The following PCDHGB2 variants were observed in gnomAD, a reference collection of about 807,000 sequenced individuals.
PCDHGB2 encodes the protein protocadherin gamma subfamily B, 2, also known as protocadherin gamma-B2.
A neutral mutation model predicts 59.3 loss-of-function variants in PCDHGB2; 55 were observed. The ratio of observed to expected loss-of-function variants is 0.93; its 90% CI spans 0.75 to 1.16. PCDHGB2 has a LOEUF of 1.16. PCDHGB2 is among the 50% of genes most tolerant of loss of function. PCDHGB2 has a pLI of 0.00. For synonymous variants in PCDHGB2, 516 were observed against 512.0 expected (o/e 1.01, Z -0.11); for missense variants, 1,228 against 1,198.5 (o/e 1.02, Z -0.36).
At chr5:141,370,978 T>C (rs2149975927) in intron 1 of PCDHGB2, 1 of 1,613,976 alleles carries the variant, frequency 6.2e-7, no homozygotes, top group Non-Finnish European at 8.5e-7. Flanking sequence ...CCAGAGCTAG[T>C]ACTGAAAGCA....
intron 1 of PCDHGB2, chr5:141,374,799 C>T (rs1177554784): frequency 3.1e-6 from 5 of 1,613,978 alleles, no homozygotes; most frequent in African/African-American, 2.7e-5. Flanking sequence ...AATGACAACA[C>T]TCCAATGTTT....
Position 141,491,205 on chromosome 5 carries a change from A to G in PCDHGB2, c.2422-3602A>G, listed in dbSNP as rs2233609. 2,395 of 1,613,578 alleles carry G rather than the reference A, an allele frequency of 1.5e-3. 36 individuals are homozygous for G. The African/African-American group carries it at 0.028, about 19-fold the overall frequency. On this transcript the variant is annotated intron_variant, in intron 1 of 3. Coordinates refer to ENST00000522605, the MANE Select transcript of PCDHGB2 (RefSeq NM_018923.3). This position sits in a 1 kb window ranked among gnomAD's most constrained non-coding sequence, Gnocchi z 6.9. The stretch of plus-strand genomic sequence containing the variant: ...TGGTGAGGGACAATGGTGACCCTTC[A>G]CTCTCCTCCACAGCCACAGTGCTGC...
At chr5:141,427,515 G>A (rs753526003) in intron 1 of PCDHGB2, 16 of 596,944 alleles carry the variant, frequency 2.7e-5, no homozygotes, top group African/African-American at 2.2e-4. Context: ...CCTGGATTGG[G>A]AGCGGATCCC....
rs1195316502 is a variant in PCDHGB2 at position 141,431,006 on chromosome 5, A to G, written c.2422-63801A>G. 1.2e-6 allele frequency: 2 copies of G among 1,614,116 alleles called. No individual in the cohort carries two copies. Among genetic ancestry groups the G allele is most frequent in the South Asian group, 2.2e-5 (2 of 91,078 alleles). ...TTTCGCCCTGAATCCGCGCAGCGGC[A>G]GCTTGGTCACGGCGGGCAGGATAGA... On this transcript the variant is annotated intron_variant, in intron 1 of 3. Transcript: ENST00000522605. The surrounding 1 kb of genome is among the most constrained non-coding windows in gnomAD (Gnocchi z 4.8).
chr5:141,402,071 A>G, intron 1 of PCDHGB2, among the ~76,000 whole-genome samples: 2 of 152,340 alleles, frequency 1.3e-5, no homozygotes, highest in Middle Eastern at 3.4e-3. Context: ...AAAACTAAGC[A>G]TTTTTGAAAT....
rs1463716042 is a variant in PCDHGB2 at position 141,511,338 on chromosome 5, T to C, written c.*165T>C. 42 of 1,429,834 alleles carry C rather than the reference T, an allele frequency of 2.9e-5. No homozygotes were observed. The highest frequency in any genetic ancestry group is 3.9e-5 in the Non-Finnish European group (42 of 1,075,502). 88.6% of individuals were successfully genotyped at this position (1,429,834 alleles called of 1,614,324 possible). A position where few individuals can be genotyped will look rare whatever the true frequency, so the allele number is the denominator to read the frequency against. On this transcript the variant is annotated 3_prime_UTR_variant, in exon 4 of 4. Coordinates refer to ENST00000522605, the MANE Select transcript of PCDHGB2 (RefSeq NM_018923.3). ...CAGAAACAAGTGCCCAGTCAGCACC[T>C]ACCCCTTCCCCCCCAGGGGGTTGAA... is the stretch of plus-strand genomic sequence containing the variant.
rs201394036 is a variant in PCDHGB2 at position 141,385,181 on chromosome 5, C to A, written c.2421+22625C>A. On this transcript the variant is annotated intron_variant, in intron 1 of 3. Coordinates refer to ENST00000522605, the MANE Select transcript of PCDHGB2 (RefSeq NM_018923.3). ...TATTCCCATGAGGTCTCCCTCACCGCGGACTCTCGGAAGAGTCACCTGATC... is the reference window on the plus strand; with the variant it reads ...TATTCCCATGAGGTCTCCCTCACCGAGGACTCTCGGAAGAGTCACCTGATC... 2.3e-4 allele frequency: 371 copies of A among 1,614,202 alleles called. 1 individual carries two copies. The highest frequency in any genetic ancestry group is 2.9e-4 in the Non-Finnish European group (346 of 1,180,040).
chr5:141,492,106 C>T (rs1265796740), intron 1 of PCDHGB2, among the ~76,000 whole-genome samples: 2 of 152,238 alleles, frequency 1.3e-5, no homozygotes, highest in South Asian at 2.1e-4. Flanking sequence ...TGTAGATTTC[C>T]TCTTCGATTT....
chr5:141,484,924 T>C (rs1453592037), intron 1 of PCDHGB2: 7 of 484,872 alleles, frequency 1.4e-5, no homozygotes, highest in Non-Finnish European at 2.2e-5. Context: ...ACCCTGCTGC[T>C]GTTGGGACGT....
intron 2 of PCDHGB2, among the ~76,000 whole-genome samples, chr5:141,503,100 G>A (rs563699751): frequency 6.6e-6 from 1 of 151,592 alleles, no homozygotes; most frequent in South Asian, 2.1e-4. Context: ...TGGTCTGCCC[G>A]CCCCTGCCTC....
intron 1 of PCDHGB2, chr5:141,373,858 G>A: frequency 2.2e-6 from 1 of 460,298 alleles, no homozygotes. Context: ...CGTCGCTGTT[G>A]ACCAACCTGG....
intron 1 of PCDHGB2, among the ~76,000 whole-genome samples, chr5:141,443,085 G>A (rs991288098): frequency 3.9e-5 from 6 of 151,916 alleles, no homozygotes; most frequent in Admixed American, 2.6e-4. Flanking sequence ...GAGTGTTCCA[G>A]TCTCCTTCTC....
intron 1 of PCDHGB2, among the ~76,000 whole-genome samples, chr5:141,450,830 T>A (rs923422605): frequency 3.0e-5 from 3 of 101,548 alleles, no homozygotes; most frequent in African/African-American, 1.3e-4. Context: ...ATTATTATTA[T>A]TTTTTTTTTT....
At position 141,385,031 on chromosome 5, in the gene PCDHGB2, T is replaced by C; in HGVS notation, c.2421+22475T>C. The C allele has an allele frequency of 1.9e-6, 3 of 1,614,190 alleles. No individual in the cohort carries two copies. The African/African-American group carries it at 4.0e-5, about 21-fold the overall frequency. The stretch of plus-strand genomic sequence containing the variant: ...GTCTTCCTAGCCTTCGTCCTCGTAC[T>C]GCTGGCGCTCAGGCTGCGGCGCTGG... On this transcript the variant is annotated intron_variant, in intron 1 of 3. Coordinates refer to ENST00000522605, the MANE Select transcript of PCDHGB2 (RefSeq NM_018923.3).
At chr5:141,364,094 A>G (rs4151697) in intron 1 of PCDHGB2, 43,426 of 397,716 alleles carry the variant, frequency 0.11, 3,266 homozygotes, top group African/African-American at 0.28. Context: ...ATGGAATTTG[A>G]TGCAGTCACT....
At chr5:141,418,095 C>A (rs1246996867) in intron 1 of PCDHGB2, 1 of 1,614,006 alleles carries the variant, frequency 6.2e-7, no homozygotes, top group Middle Eastern at 1.7e-4. Context: ...AGCGTAGACG[C>A]GCAGAGCGGG....
chr5:141,399,430 A>G (rs758530359), intron 1 of PCDHGB2: 12 of 1,614,016 alleles, frequency 7.4e-6, no homozygotes, highest in Non-Finnish European at 1.0e-5. Context: ...CATAAGCGTC[A>G]TCCTACATAT....
rs376937850 is a variant in PCDHGB2 at position 141,491,097 on chromosome 5, C to T, written c.2422-3710C>T. The T allele has an allele frequency of 1.2e-6, 2 of 1,614,170 alleles. No homozygotes were observed. Among genetic ancestry groups the T allele is most frequent in the Non-Finnish European group, 1.7e-6 (2 of 1,180,018 alleles). On this transcript the variant is annotated intron_variant, in intron 1 of 3. Coordinates refer to ENST00000522605, the MANE Select transcript of PCDHGB2 (RefSeq NM_018923.3). The surrounding 1 kb of genome is among the most constrained non-coding windows in gnomAD (Gnocchi z 6.9). ...CACAGTCCACAGCCCCAGGACTGTT[C>T]CTCGTGTCTACACACACTGGTGAGG...
intron 1 of PCDHGB2, chr5:141,415,325 C>G: frequency 6.2e-7 from 1 of 1,614,212 alleles, no homozygotes; most frequent in Non-Finnish European, 8.5e-7. Flanking sequence ...GTGCTGCTGG[C>G]GCACAGGCTG....
Sources: gnomAD v4.1 joint callset for allele counts (sites outside exome capture counted in the v4.1 genomes callset) on GRCh38, gnomAD v4.1.1 for gene constraint, Gnocchi (gnomAD v3.1) non-coding constraint, MANE v1.5 for transcripts, NCBI Gene and HGNC (gene_info 2026-07-23, HGNC 2026-07-21) for gene names.